FTL: variants seen among roughly 807,000 people sequenced by gnomAD.
FTL encodes the protein epididymis secretory sperm binding protein.
Under a neutral mutation model 16.6 loss-of-function variants are expected in FTL, and 17 were observed. That is an observed-to-expected ratio of 1.02 (90% CI 0.70 to 1.53). The LOEUF is 1.53. FTL is among the 40% of genes most tolerant of loss of function. The pLI is 0.00. For missense variants in FTL, 186 were observed against 226.1 expected, an observed-to-expected ratio of 0.82 and a Z score of 1.14; for synonymous variants, 73 against 89.9, an observed-to-expected ratio of 0.81 and a Z score of 1.06.
rs146673696 is a variant in FTL, at chr19:48,965,682, C to G, written c.102+73C>G. The G allele has an allele frequency of 1.4e-3, 2,257 of 1,606,120 alleles. 5 individuals carry two copies. Among genetic ancestry groups the G allele is most frequent in the Non-Finnish European group, 1.6e-3 (1,878 of 1,172,790 alleles). Reference sequence around the variant, plus strand: ...CTCCGGCCCTCACTGCACGCGCCAGCCTTCTTTGTGCGGTCGGGTAAACAG... The same window carrying G: ...CTCCGGCCCTCACTGCACGCGCCAGGCTTCTTTGTGCGGTCGGGTAAACAG... On this transcript the variant is annotated intron_variant, in intron 1 of 3. Transcript: ENST00000331825.
At chr19:48,966,225 G>A in intron 2 of FTL, 56 bp from the exon 3 acceptor site, 1 of 1,612,486 alleles carries the variant, frequency 6.2e-7, no homozygotes, top group Non-Finnish European at 8.5e-7. Flanking sequence ...GGAAATGTAG[G>A]TTTAGTTCTA....
rs768248138 is a variant in FTL at position 48,966,016 on chromosome 19, T to G, written c.249+100T>G. ...GGTGTCGCGTGGGCTTCTGGGAGAT[T>G]GAGTTCGGTCTTGTGAGCCCTCTTA... On this transcript the variant is annotated intron_variant, in intron 2 of 3. Transcript: ENST00000331825. 94 of 1,475,940 alleles carry G rather than the reference T, an allele frequency of 6.4e-5. 3 individuals carry two copies. In the South Asian group the frequency reaches 1.1e-3, roughly 17 times the overall value. 91.4% of individuals were successfully genotyped at this position (1,475,940 alleles called of 1,614,324 possible).
chr19:48,966,727 C>T lies in FTL; in HGVS notation c.520C>T (p.His174Tyr), dbSNP rs1803578. 6.3e-5 allele frequency: 102 copies of T among 1,612,964 alleles called. No homozygotes were observed. The African/African-American group carries it at 9.5e-4, about 15-fold the overall frequency. Residue 174 changes from histidine (H) to tyrosine (Y), a missense_variant, in exon 4 of 4, where the codon CAC becomes TAC. By Grantham distance (83) the His-to-Tyr change is moderately conservative (BLOSUM62 2). Transcript: ENST00000331825. ...TCTCTTCGAAAGGCTCACTCTCAAG[C>T]ACGACTAAGAGCCTTCTGAGCCCAG... ...EYLFERLTLK[H>Y]D
At position 48,965,397 on chromosome 19, in the gene FTL, C is replaced by T. The variant is rs1212300429; in HGVS notation, c.-111C>T. ...GGACTCTCTTCCAGCCTCCGACCGC[C>T]CTCCGATTTCCTCTCCGCTTGCAAC... On this transcript the variant is annotated 5_prime_UTR_variant, in exon 1 of 4. Transcript: ENST00000331825. The T allele has an allele frequency of 5.2e-6, 4 of 771,184 alleles. No individual in the cohort carries two copies. Among genetic ancestry groups the T allele is most frequent in the Non-Finnish European group, 9.2e-6 (4 of 433,474 alleles). 47.8% of individuals were successfully genotyped at this position (771,184 alleles called of 1,614,324 possible). A position where few individuals can be genotyped will look rare whatever the true frequency, so the allele number is the denominator to read the frequency against.
In FTL at chr19:48,966,277, A is replaced by G. The variant is rs779536980; in HGVS notation, c.250-4A>G. ...ATTCTGAGCCATTTCTCCCTTCTAT[A>G]TAGAAGCCAGCTGAAGATGAGTGGG... On this transcript the variant is annotated splice_region_variant and splice_polypyrimidine_tract_variant and intron_variant, in intron 2 of 3. Transcript: ENST00000331825. The G allele has an allele frequency of 3.1e-6, 5 of 1,613,994 alleles. No individual in the cohort carries two copies. The highest frequency in any genetic ancestry group is 4.2e-6 in the Non-Finnish European group (5 of 1,179,990).
Position 48,966,637 on chromosome 19 carries a change from AAG to A in FTL, c.432_433del (p.Lys144AsnfsTer3). The A allele has an allele frequency of 6.2e-7, 1 of 1,614,016 alleles. No homozygotes were observed. Reference sequence around the variant, plus strand: ...AGATGAGGAAGTGAAGCTTATCAAGAAGATGGGTGACCACCTGACCAACCTCC... The same window carrying A: ...AGATGAGGAAGTGAAGCTTATCAAGAATGGGTGACCACCTGACCAACCTCC... ...FLDEEVKLIK[K>X]MGDHLTNLHR... is the part of the protein sequence containing the mutation. On this transcript the variant is annotated frameshift_variant, in exon 4 of 4. Coordinates refer to ENST00000331825, the MANE Select transcript of FTL (RefSeq NM_000146.4).
intron 1 of FTL, 26 bp downstream of exon 1, chr19:48,965,635 C>T (rs1210383383): frequency 6.2e-7 from 1 of 1,603,872 alleles, no homozygotes; most frequent in Non-Finnish European, 8.5e-7. Flanking sequence ...GCCCCTGGCC[C>T]TAATTTCCTC....
intron 2 of FTL, 53 bp from the exon 3 acceptor site, chr19:48,966,228 T>C: frequency 6.2e-7 from 1 of 1,612,760 alleles, no homozygotes; most frequent in South Asian, 1.1e-5. Flanking sequence ...AATGTAGGTT[T>C]AGTTCTATGT....
In FTL at chr19:48,966,262, AT is replaced by A; in HGVS notation, c.250-16del. ...GTGCCGAGTGTGTGTATTCTGAGCC[AT>A]TTCTCCCTTCTATATAGAAGCCAGC... On this transcript the variant is annotated intron_variant, in intron 2 of 3. Transcript: ENST00000331825. The A allele has an allele frequency of 6.2e-7, 1 of 1,613,772 alleles. No homozygotes were observed. Among genetic ancestry groups the A allele is most frequent in the Non-Finnish European group, 8.5e-7 (1 of 1,179,992 alleles).
intron 2 of FTL, 178 bp downstream of exon 2, chr19:48,966,094 C>T: frequency 8.4e-7 from 1 of 1,183,476 alleles, no homozygotes; most frequent in Non-Finnish European, 1.2e-6. Context: ...CGCGGCAGTC[C>T]ACACCGCTGC....
chr19:48,966,040 T>C (rs554384551), intron 2 of FTL, 124 bp downstream of exon 2: 4 of 1,339,778 alleles, frequency 3.0e-6, no homozygotes, highest in South Asian at 2.5e-5. Flanking sequence ...TGAGCCCTCT[T>C]AACCGCTGGA....
chr19:48,965,596 C>A lies in FTL; in HGVS notation c.89C>A (p.Thr30Asn), dbSNP rs397514540. ...LVNLYLQASY[T>N]YLSLGFYFDR... Reference sequence around the variant, plus strand: ...AATTTGTACCTGCAGGCCTCCTACACCTACCTCTCTCTGGTGAGTCCCCAG... The same window carrying A: ...AATTTGTACCTGCAGGCCTCCTACAACTACCTCTCTCTGGTGAGTCCCCAG... The change falls in exon 1 of 4, where the codon ACC becomes AAC. Residue 30 changes from threonine to asparagine, a missense_variant. Thr to Asn is a moderately conservative substitution (Grantham distance 65, BLOSUM62 0). Coordinates refer to ENST00000331825, the MANE Select transcript of FTL (RefSeq NM_000146.4). 8.7e-6 allele frequency: 14 copies of A among 1,613,342 alleles called. No homozygotes were observed. The highest frequency in any genetic ancestry group is 1.1e-5 in the Non-Finnish European group (13 of 1,179,260).
At position 48,965,724 on chromosome 19, in the gene FTL, G is replaced by A. The variant is rs1436814183; in HGVS notation, c.103-46G>A. ...GGTAAACAGAGGGCGGAGTCCCCTT[G>A]GCCTCGCCTCCCGCTAACCATTGTT... is the stretch of plus-strand genomic sequence containing the variant. On this transcript the variant is annotated intron_variant, in intron 1 of 3. Transcript: ENST00000331825. 2.5e-6 allele frequency: 4 copies of A among 1,613,424 alleles called. No individual in the cohort carries two copies. In the Admixed American group the frequency reaches 5.0e-5, roughly 20 times the overall value.
chr19:48,966,079 C>T, intron 2 of FTL, 163 bp downstream of exon 2: 1 of 1,184,146 alleles, frequency 8.4e-7, no homozygotes, highest in South Asian at 1.3e-5. Flanking sequence ...GCAGTGCCCA[C>T]AACACGCGGC....
rs188684748 is a variant in FTL at position 48,965,629 on chromosome 19, C to T, written c.102+20C>T. On this transcript the variant is annotated intron_variant, in intron 1 of 3. Coordinates refer to ENST00000331825, the MANE Select transcript of FTL (RefSeq NM_000146.4). ...TCTCTGGTGAGTCCCCAGGACGCCC[C>T]TGGCCCTAATTTCCTCCAGCTGCGC... The T allele has an allele frequency of 6.2e-6, 10 of 1,606,572 alleles. No individual in the cohort carries two copies. In the East Asian group the frequency reaches 2.0e-4, roughly 32 times the overall value.
chr19:48,965,967 G>T (rs1189913872), intron 2 of FTL, 51 bp downstream of exon 2: 1 of 1,600,674 alleles, frequency 6.2e-7, no homozygotes, highest in Non-Finnish European at 8.5e-7. Context: ...CCGTGCGCGC[G>T]AGGAGCCTTG....
chr19:48,965,600 CCT>C lies in FTL; in HGVS notation c.100_101del (p.Leu34GlyfsTer8), dbSNP rs771065532. On this transcript the variant is annotated frameshift_variant, in exon 1 of 4. Coordinates refer to ENST00000331825, the MANE Select transcript of FTL (RefSeq NM_000146.4). ...NLYLQASYTYLSLGFYFDRDD... is the reference protein window; with the variant it reads ...NLYLQASYTYXSLGFYFDRDD... The stretch of plus-strand genomic sequence containing the variant: ...TGTACCTGCAGGCCTCCTACACCTA[CCT>C]CTCTCTGGTGAGTCCCCAGGACGCC... 1.5e-5 allele frequency: 25 copies of C among 1,612,974 alleles called. No homozygotes were observed. Among genetic ancestry groups the C allele is most frequent in the South Asian group, 3.3e-5 (3 of 91,076 alleles).
chr19:48,965,735 C>T (rs755927008), intron 1 of FTL, 35 bp from the exon 2 acceptor site: 5 of 1,614,068 alleles, frequency 3.1e-6, no homozygotes, highest in South Asian at 1.1e-5. Flanking sequence ...GCCTCGCCTC[C>T]CGCTAACCAT....
chr19:48,965,698 G>A, intron 1 of FTL, 72 bp from the exon 2 acceptor site: 1 of 1,608,984 alleles, frequency 6.2e-7, no homozygotes, highest in Non-Finnish European at 8.5e-7. Flanking sequence ...TTGTGCGGTC[G>A]GGTAAACAGA....
Sources: gnomAD v4.1 joint callset for allele counts on GRCh38, gnomAD v4.1.1 for gene constraint, MANE v1.5 for transcripts, NCBI Gene and HGNC (gene_info 2026-07-23, HGNC 2026-07-21) for gene names.